FSTL5: variants seen among roughly 807,000 people sequenced by gnomAD.
FSTL5 encodes the protein follistatin-related protein 5.
Under a neutral mutation model 89.1 loss-of-function variants are expected in FSTL5, and 62 were observed. That is an observed-to-expected ratio of 0.70 (90% CI 0.57 to 0.86). The LOEUF (loss-of-function observed/expected upper bound fraction) is 0.86. Ranked by LOEUF, FSTL5 falls within the 40% of genes least tolerant of loss-of-function variation. The pLI is 0.00. For missense variants in FSTL5, 1,057 were observed against 1,001.6 expected (o/e 1.06, Z -0.75); for synonymous variants, 383 against 346.2 (o/e 1.11, Z -1.18).
intron 6 of FSTL5, among the ~76,000 whole-genome samples, chr4:161,683,705 A>T (rs1737604193): frequency 1.3e-5 from 2 of 152,206 alleles, no homozygotes; most frequent in African/African-American, 4.8e-5. Flanking sequence ...TAAAACTTAC[A>T]TGAGTAAAAT....
intron 2 of FSTL5, among the ~76,000 whole-genome samples, chr4:162,106,743 G>A (rs962683893): frequency 1.3e-5 from 2 of 152,064 alleles, no homozygotes; most frequent in African/African-American, 2.4e-5. Context: ...TGCAGATAAC[G>A]CTAAGGTTTT....
chr4:162,091,664 C>T (rs892913287), intron 2 of FSTL5, among the ~76,000 whole-genome samples: 5 of 151,994 alleles, frequency 3.3e-5, no homozygotes, highest in Admixed American at 2.0e-4. Context: ...GTTTGTTTGT[C>T]CTCTGCTAAT....
intron 2 of FSTL5, among the ~76,000 whole-genome samples, chr4:162,075,280 A>C (rs1469542742): frequency 6.6e-6 from 1 of 151,790 alleles, no homozygotes; most frequent in Non-Finnish European, 1.5e-5. Flanking sequence ...CCTTTTCCTC[A>C]AGGGTTTGGA....
intron 7 of FSTL5, among the ~76,000 whole-genome samples, chr4:161,596,259 A>G (rs1006408029): frequency 4.6e-5 from 7 of 151,880 alleles, no homozygotes; most frequent in South Asian, 2.1e-4. Flanking sequence ...TGGTAAATAC[A>G]TCATTTAAAA....
intron 1 of FSTL5, among the ~76,000 whole-genome samples, chr4:162,156,335 G>A (rs1367712239): frequency 6.6e-6 from 1 of 152,150 alleles, no homozygotes; most frequent in East Asian, 1.9e-4. Flanking sequence ...GCAGTTTGGA[G>A]ATTTCTCAAA....
intron 6 of FSTL5, among the ~76,000 whole-genome samples, chr4:161,657,397 C>A (rs920778978): frequency 2.0e-5 from 3 of 152,140 alleles, no homozygotes; most frequent in African/African-American, 7.2e-5. Context: ...ACAGTCTTGA[C>A]CACGTTAGAA....
Position 161,542,528 on chromosome 4 carries a change from G to T in FSTL5, c.1177+4C>A. ...TAAGAGAAAAAAAAGCAAGTAAAAAGCACCTTGAAGCGTGAGTTGTTTGGA... is the reference window on the plus strand; with the variant it reads ...TAAGAGAAAAAAAAGCAAGTAAAAATCACCTTGAAGCGTGAGTTGTTTGGA... On this transcript the variant is annotated splice_donor_region_variant and intron_variant, in intron 9 of 15. Coordinates refer to ENST00000306100, the MANE Select transcript of FSTL5 (RefSeq NM_020116.5). The T allele has an allele frequency of 7.0e-7, 1 of 1,432,302 alleles. No individual in the cohort carries two copies. Among genetic ancestry groups the T allele is most frequent in the Middle Eastern group, 1.9e-4 (1 of 5,350 alleles). The allele number at this position is 1,432,302 out of a possible 1,614,324, so 88.7% of individuals were successfully genotyped here.
intron 15 of FSTL5, among the ~76,000 whole-genome samples, chr4:161,389,503 C>G (rs1410516421): frequency 1.3e-5 from 2 of 152,112 alleles, no homozygotes; most frequent in Non-Finnish European, 2.9e-5. Context: ...ACTTTAATTA[C>G]TGCTTTTATG....
chr4:161,947,215 T>A (rs191098418), intron 3 of FSTL5, among the ~76,000 whole-genome samples: 2 of 151,702 alleles, frequency 1.3e-5, no homozygotes, highest in Non-Finnish European at 2.9e-5. Flanking sequence ...AATTCCTCAA[T>A]AGAGCATTTT....
At chr4:162,031,815 G>A (rs889934673) in intron 3 of FSTL5, among the ~76,000 whole-genome samples, 1 of 152,126 alleles carries the variant, frequency 6.6e-6, no homozygotes, top group Non-Finnish European at 1.5e-5. Flanking sequence ...GCAGGTGCCT[G>A]TAATCCCAGC....
At chr4:161,778,246 T>C (rs1395832965) in intron 4 of FSTL5, among the ~76,000 whole-genome samples, 1 of 152,238 alleles carries the variant, frequency 6.6e-6, no homozygotes, top group Non-Finnish European at 1.5e-5. Context: ...GCATGTATAC[T>C]GCTTACAGCA....
rs1352788530 is a variant in FSTL5, at chr4:161,926,421, T to G, written c.161-5769A>C. Among the ~76,000 whole-genome samples the G allele has an allele frequency of 1.3e-3, 195 of 150,972 alleles. 1 individual carries two copies. The highest frequency in any genetic ancestry group is 4.0e-3 in the African/African-American group (167 of 41,320). ...TTTTTTTTTTTGTTTTGTTTTTTGTTTTTTTACAAGAGGCCGTATGAAAAT... is the reference window on the plus strand; with the variant it reads ...TTTTTTTTTTTGTTTTGTTTTTTGTGTTTTTACAAGAGGCCGTATGAAAAT... On this transcript the variant is annotated intron_variant, in intron 3 of 15. Transcript: ENST00000306100.
At chr4:162,128,822 A>G (rs1275068745) in intron 1 of FSTL5, among the ~76,000 whole-genome samples, 1 of 152,072 alleles carries the variant, frequency 6.6e-6, no homozygotes, top group Non-Finnish European at 1.5e-5. Flanking sequence ...TCTTAAAATG[A>G]CTCTCATTGT....
chr4:161,385,943 T>C lies in FSTL5; in HGVS notation c.2348A>G (p.Lys783Arg). The change falls in exon 16 of 16, where the codon AAG (lysine) becomes AGG (arginine). Residue 783 changes from lysine (K) to arginine (R), a missense_variant. Lys to Arg is a conservative substitution (Grantham distance 26, BLOSUM62 2). Around this residue, in one of 3 missense-constraint regions of FSTL5, gnomAD observed 68 missense variants for 73.3 expected, o/e 0.93. Transcript: ENST00000306100. ...SGKVKMIKSL[K>R]EPLKAEEWPW... ...CCATTCTTCTGCCTTGAGTGGTTCC[T>C]TGAGACTCTTTATCATCTTGACCTT... 1 of 1,613,996 alleles carries C rather than the reference T, an allele frequency of 6.2e-7. No individual in the cohort carries two copies. Among genetic ancestry groups the C allele is most frequent in the Non-Finnish European group, 8.5e-7 (1 of 1,179,942 alleles).
intron 2 of FSTL5, among the ~76,000 whole-genome samples, chr4:162,073,947 A>C (rs1383829360): frequency 6.6e-6 from 1 of 151,782 alleles, no homozygotes; most frequent in African/African-American, 2.4e-5. Flanking sequence ...AATAGGAAGT[A>C]ATACATGTAA....
intron 2 of FSTL5, among the ~76,000 whole-genome samples, chr4:162,091,475 TG>T (rs1443825102): frequency 6.6e-6 from 1 of 152,166 alleles, no homozygotes; most frequent in Non-Finnish European, 1.5e-5. Flanking sequence ...TCTGGGGTTT[TG>T]GGGTGGGGGG....
intron 12 of FSTL5, among the ~76,000 whole-genome samples, chr4:161,485,075 A>G (rs2126459895): frequency 6.6e-6 from 1 of 152,374 alleles, no homozygotes; most frequent in East Asian, 1.9e-4. Context: ...TTGTAACCCA[A>G]CTACAACTAT....
At chr4:161,687,862 G>A (rs1401215636) in intron 6 of FSTL5, among the ~76,000 whole-genome samples, 1 of 152,186 alleles carries the variant, frequency 6.6e-6, no homozygotes, top group Non-Finnish European at 1.5e-5. Flanking sequence ...AGTGCTGGAA[G>A]GTGGGGTCTA....
In FSTL5 at chr4:161,779,821, A is replaced by ATATATATATATATATATG. The variant is rs1741591267; in HGVS notation, c.410-3748_410-3747insCATATATATATATATATA. On this transcript the variant is annotated intron_variant, in intron 4 of 15. Coordinates refer to ENST00000306100, the MANE Select transcript of FSTL5 (RefSeq NM_020116.5). Reference sequence around the variant, plus strand: ...TATATATATATATATGTATATATATATATATATATATATATGTATATAAAA... The same window carrying ATATATATATATATATATG: ...TATATATATATATATGTATATATATATATATATATATATATATGTATATATATATATATGTATATAAAA... Among the ~76,000 whole-genome samples the ATATATATATATATATATG allele has an allele frequency of 9.2e-4, 58 of 63,318 alleles. 2 individuals carry two copies. The highest frequency in any genetic ancestry group is 2.0e-3 in the South Asian group (4 of 1,954). 41.5% of individuals were successfully genotyped at this position (63,318 alleles called of 152,430 possible). A position where few individuals can be genotyped will look rare whatever the true frequency, so the allele number is the denominator to read the frequency against.
Sources: allele counts gnomAD v4.1 joint callset (sites outside exome capture counted in the v4.1 genomes callset), GRCh38; gene constraint gnomAD v4.1.1; regional missense constraint gnomAD v4.1.1; transcripts MANE v1.5; gene names NCBI Gene and HGNC (gene_info 2026-07-23, HGNC 2026-07-21).